The following RPRD2 variants were observed in gnomAD, a reference collection of about 807,000 sequenced individuals.
RPRD2 encodes regulation of nuclear pre-mRNA domain-containing protein 2.
RPRD2 carries 12 observed loss-of-function variants against 104.4 expected under a neutral mutation model. The observed-to-expected ratio is 0.11, with a 90% CI of 0.07 to 0.19. RPRD2 has a LOEUF of 0.19. Among genes scored for constraint, RPRD2 ranks in the 10% least tolerant of loss-of-function variants. The probability of loss-of-function intolerance (pLI) is 1.00; values close to 1 mark genes in which losing one functional copy is unlikely to be tolerated. For missense variants in RPRD2, 1,543 were observed against 1,790.1 expected, an observed-to-expected ratio of 0.86 and a Z score of 2.49; for synonymous variants, 714 against 684.9, an observed-to-expected ratio of 1.04 and a Z score of -0.66.
intron 1 of RPRD2, among the ~76,000 whole-genome samples, chr1:150,408,100 A>G (rs1663620078): frequency 6.7e-6 from 1 of 150,072 alleles, no homozygotes; most frequent in Admixed American, 6.6e-5. Context: ...ATATAAAGGT[A>G]TTATAATTGT....
chr1:150,397,487 T>G (rs1662621441), intron 1 of RPRD2, among the ~76,000 whole-genome samples: 1 of 152,198 alleles, frequency 6.6e-6, no homozygotes, highest in Admixed American at 6.5e-5. Context: ...CCATTTTTAT[T>G]GAACCCCTTT....
intron 2 of RPRD2, among the ~76,000 whole-genome samples, chr1:150,431,479 T>TGTTTGTTTGTTTGTTTG (rs1553891712): frequency 4.3e-5 from 6 of 140,118 alleles, no homozygotes; most frequent in Admixed American, 1.5e-4. Context: ...AAGGATTTTT[T>TGTTTGTTTGTTTGTTTG]TTTTTTTTTT....
chr1:150,419,300 A>T (rs1664592140), intron 2 of RPRD2, among the ~76,000 whole-genome samples: 1 of 152,172 alleles, frequency 6.6e-6, no homozygotes, highest in Non-Finnish European at 1.5e-5. Context: ...GCTTCCTCAG[A>T]TTATATATTT....
intron 1 of RPRD2, among the ~76,000 whole-genome samples, chr1:150,382,244 T>C (rs782304546): frequency 1.3e-5 from 2 of 152,128 alleles, no homozygotes; most frequent in African/African-American, 2.4e-5. Flanking sequence ...TATTAGCAAA[T>C]AGCAAAAGAA....
chr1:150,438,226 G>A (rs970194143), intron 2 of RPRD2, among the ~76,000 whole-genome samples: 4 of 152,166 alleles, frequency 2.6e-5, no homozygotes, highest in Non-Finnish European at 5.9e-5. Flanking sequence ...GGAGGCGGAG[G>A]TTGCAGTGAG....
intron 1 of RPRD2, among the ~76,000 whole-genome samples, chr1:150,369,293 G>A (rs1400179433): frequency 6.6e-6 from 1 of 151,928 alleles, no homozygotes; most frequent in Non-Finnish European, 1.5e-5. Context: ...TCTGTGGGGA[G>A]GTGGGGGAGG....
intron 1 of RPRD2, among the ~76,000 whole-genome samples, chr1:150,413,964 GTGA>G (rs1664136892): frequency 6.6e-6 from 1 of 151,948 alleles, no homozygotes; most frequent in Non-Finnish European, 1.5e-5. Context: ...ATGGTGGCAT[GTGA>G]CTGTAGTCCC....
chr1:150,462,857 T>C (rs1419504883), intron 9 of RPRD2, among the ~76,000 whole-genome samples: 1 of 151,992 alleles, frequency 6.6e-6, no homozygotes, highest in East Asian at 1.9e-4. Context: ...ATCCGGCCAT[T>C]TATTTATTTA....
chr1:150,435,027 A>G (rs955641271), intron 2 of RPRD2, among the ~76,000 whole-genome samples: 1 of 152,096 alleles, frequency 6.6e-6, no homozygotes, highest in African/African-American at 2.4e-5. Context: ...TATTTTTCCA[A>G]CATATGCTCA....
chr1:150,441,006 C>T lies in RPRD2; in HGVS notation c.419C>T (p.Ala140Val). ...GTATACCCAGAAGAAATGATTGTGG[C>T]ATTGAGAGAAGCTTTGAGTAAGTGT... ...RNVYPEEMIV[A>V]LREALSTTFK... Residue 140 changes from alanine (A) to valine (V), a missense_variant, in exon 3 of 11, where the codon GCA becomes GTA. Physicochemically the swap from Ala to Val is moderately conservative, Grantham distance 64. Around this residue, in one of 4 missense-constraint regions of RPRD2, gnomAD observed 572 missense variants for 787.3 expected, o/e 0.73. Coordinates refer to ENST00000369068, the MANE Select transcript of RPRD2 (RefSeq NM_015203.5). 5 of 1,563,316 alleles carry T rather than the reference C, an allele frequency of 3.2e-6. No homozygotes were observed. Among genetic ancestry groups the T allele is most frequent in the Non-Finnish European group, 3.5e-6 (4 of 1,149,934 alleles).
intron 1 of RPRD2, among the ~76,000 whole-genome samples, chr1:150,382,989 G>A (rs1331338408): frequency 6.6e-6 from 1 of 151,528 alleles, no homozygotes; most frequent in African/African-American, 2.4e-5. Flanking sequence ...GCCCGGCTGG[G>A]ATTTTTTATT....
At chr1:150,452,294 T>C (rs1306380301) in intron 7 of RPRD2, among the ~76,000 whole-genome samples, 4 of 152,014 alleles carry the variant, frequency 2.6e-5, no homozygotes, top group African/African-American at 4.8e-5. Flanking sequence ...AACCAGGAAA[T>C]GGCAAGGAAG....
In RPRD2 at chr1:150,444,199, G is replaced by T; in HGVS notation, c.568-52G>T. 3 of 1,552,590 alleles carry T rather than the reference G, an allele frequency of 1.9e-6. No homozygotes were observed. In the South Asian group the frequency reaches 3.5e-5, roughly 18 times the overall value. On this transcript the variant is annotated intron_variant, in intron 5 of 10. Coordinates refer to ENST00000369068, the MANE Select transcript of RPRD2 (RefSeq NM_015203.5). ...TTTACAAAATGAGGAGAGAGAGAAT[G>T]AGAATAATTGAATGATCTTGTAAAT...
chr1:150,420,288 C>T (rs1393308424), intron 2 of RPRD2, among the ~76,000 whole-genome samples: 1 of 151,824 alleles, frequency 6.6e-6, no homozygotes, highest in Non-Finnish European at 1.5e-5. Flanking sequence ...AAAACAACTA[C>T]TTTGTGTGTT....
intron 2 of RPRD2, among the ~76,000 whole-genome samples, chr1:150,429,215 C>T (rs1291076553): frequency 9.9e-5 from 15 of 151,980 alleles, no homozygotes; most frequent in African/African-American, 3.6e-4. Flanking sequence ...GCCTCAATCT[C>T]CCAAGTAGCT....
chr1:150,407,425 C>G, intron 1 of RPRD2, among the ~76,000 whole-genome samples: 1 of 152,154 alleles, frequency 6.6e-6, no homozygotes, highest in East Asian at 1.9e-4. Context: ...ACATTTAGAT[C>G]CAAAAGGGGC....
At chr1:150,461,909 G>C (rs782584689) in intron 9 of RPRD2, among the ~76,000 whole-genome samples, 4 of 152,018 alleles carry the variant, frequency 2.6e-5, no homozygotes, top group Non-Finnish European at 4.4e-5. Context: ...GAACCCAGGA[G>C]GCGGAGCTTG....
At chr1:150,458,739 A>G (rs1667718856) in intron 8 of RPRD2, among the ~76,000 whole-genome samples, 1 of 152,112 alleles carries the variant, frequency 6.6e-6, no homozygotes, top group South Asian at 2.1e-4. Context: ...TCCTGCGTTC[A>G]AACAATTCTC....
chr1:150,415,704 AAAG>A (rs1553888440), intron 1 of RPRD2, among the ~76,000 whole-genome samples: 1 of 152,112 alleles, frequency 6.6e-6, no homozygotes, highest in African/African-American at 2.4e-5. Context: ...AAACACAAAA[AAAG>A]AAGCAAGCAT....
Sources: gnomAD v4.1 joint callset for allele counts (sites outside exome capture counted in the v4.1 genomes callset) on GRCh38, gnomAD v4.1.1 for gene constraint, gnomAD v4.1.1 regional missense constraint, MANE v1.5 for transcripts, NCBI Gene and HGNC (gene_info 2026-07-23, HGNC 2026-07-21) for gene names.